The following DGLUCY variants were observed in gnomAD, a reference collection of about 807,000 sequenced individuals.
DGLUCY encodes the protein D-glutamate cyclase.
A neutral mutation model predicts 58.5 loss-of-function variants in DGLUCY; 58 were observed. The ratio of observed to expected loss-of-function variants is 0.99; its 90% CI spans 0.80 to 1.23. The LOEUF is 1.23. Among genes scored for constraint, DGLUCY ranks in the 50% most tolerant of loss-of-function variants. The probability of loss-of-function intolerance (pLI) is 0.00; values close to 1 mark genes in which losing one functional copy is unlikely to be tolerated. For missense variants in DGLUCY, 779 were observed against 784.7 expected (o/e 0.99, Z 0.09); for synonymous variants, 325 against 314.1 (o/e 1.03, Z -0.37).
intron 1 of DGLUCY, among the ~76,000 whole-genome samples, chr14:91,088,963 G>A (rs966518909): frequency 6.6e-6 from 1 of 152,152 alleles, no homozygotes; most frequent in African/African-American, 2.4e-5. Context: ...AATAGACTTC[G>A]GTCTGGTACA....
rs1888021369 is a variant in DGLUCY at position 91,225,107 on chromosome 14, G to C, written c.*274G>C. ...ACCCTCCTTCACTCTGGCTTCTTCA[G>C]GCAACCCACGTGGTCTCCTGTGAGA... On this transcript the variant is annotated 3_prime_UTR_variant, in exon 14 of 14. Transcript: ENST00000256324. 1 of 288,678 alleles carries C rather than the reference G, an allele frequency of 3.5e-6. No homozygotes were observed. Among genetic ancestry groups the C allele is most frequent in the Non-Finnish European group, 6.4e-6 (1 of 156,114 alleles). 17.9% of individuals were successfully genotyped at this position (288,678 alleles called of 1,614,324 possible). A position where few individuals can be genotyped will look rare whatever the true frequency, so the allele number is the denominator to read the frequency against.
intron 12 of DGLUCY, among the ~76,000 whole-genome samples, chr14:91,208,592 TAGA>T (rs1273712358): frequency 6.6e-6 from 1 of 151,942 alleles, no homozygotes; most frequent in Admixed American, 6.6e-5. Context: ...CTACAAAAAA[TAGA>T]AGAATTAGCT....
intron 1 of DGLUCY, among the ~76,000 whole-genome samples, chr14:91,095,447 T>C (rs2044378595): frequency 6.6e-6 from 1 of 152,218 alleles, no homozygotes; most frequent in African/African-American, 2.4e-5. Flanking sequence ...ACCGCATCTT[T>C]ACACGTGAAG....
At chr14:91,160,030 G>A (rs909973517) in intron 2 of DGLUCY, among the ~76,000 whole-genome samples, 7 of 152,170 alleles carry the variant, frequency 4.6e-5, no homozygotes, top group Non-Finnish European at 8.8e-5. Context: ...GAAGGGAAGG[G>A]GGACGTTCCA....
rs769954031 is a variant in DGLUCY at position 91,170,113 on chromosome 14, G to A, written c.368G>A (p.Gly123Asp). 6.2e-7 allele frequency: 1 copy of A among 1,613,180 alleles called. No homozygotes were observed. Among genetic ancestry groups the A allele is most frequent in the Non-Finnish European group, 8.5e-7 (1 of 1,180,038 alleles). ...AAGGACATGGTGGCCTTCTTCCTGGGCTGCAGCTTCTCCCTGGAGGAGGCC... is the reference window on the plus strand; with the variant it reads ...AAGGACATGGTGGCCTTCTTCCTGGACTGCAGCTTCTCCCTGGAGGAGGCC... ...QLKDMVAFFL[G>D]CSFSLEEALE... Residue 123 changes from glycine (G) to aspartate (D), a missense_variant, in exon 5 of 14, where the codon GGC becomes GAC. Gly to Asp is a moderately conservative substitution (Grantham distance 94, BLOSUM62 -1). Transcript: ENST00000256324.
chr14:91,217,355 C>T lies in DGLUCY; in HGVS notation c.1716+1799C>T, dbSNP rs116347198. ...AGCAAATCCAAGAGGCCGGAGGGTC[C>T]TGAGCACTGAGCCTGCAGAAGAGCC... On this transcript the variant is annotated intron_variant, in intron 13 of 13. Coordinates refer to ENST00000256324, the MANE Select transcript of DGLUCY (RefSeq NM_001102368.3). Among the ~76,000 whole-genome samples the T allele has an allele frequency of 6.1e-3, 919 of 151,524 alleles. 9 individuals carry two copies. Among genetic ancestry groups the T allele is most frequent in the African/African-American group, 0.021 (856 of 41,468 alleles).
intron 8 of DGLUCY, among the ~76,000 whole-genome samples, chr14:91,186,910 C>T (rs534424532): frequency 1.5e-4 from 23 of 152,206 alleles, no homozygotes; most frequent in South Asian, 4.1e-4. Flanking sequence ...CACACAGCTA[C>T]GATATGCCAG....
chr14:91,208,557 T>C (rs1455711017), intron 12 of DGLUCY, among the ~76,000 whole-genome samples: 1 of 152,116 alleles, frequency 6.6e-6, no homozygotes, highest in African/African-American at 2.4e-5. Context: ...GATACCAGCC[T>C]GGGCAACATG....
Position 91,199,660 on chromosome 14 carries a change from A to T in DGLUCY, c.1296-97A>T. On this transcript the variant is annotated intron_variant, in intron 10 of 13. Coordinates refer to ENST00000256324, the MANE Select transcript of DGLUCY (RefSeq NM_001102368.3). ...CAGGAATGAAGGAATCAAAGAAAAA[A>T]AGAAGCGTCTTTCGCGCAAACACAA... 4.3e-6 allele frequency: 6 copies of T among 1,395,180 alleles called. No homozygotes were observed. In the South Asian group the frequency reaches 8.0e-5, roughly 19 times the overall value. 86.4% of individuals were successfully genotyped at this position (1,395,180 alleles called of 1,614,324 possible).
rs145387024 is a variant in DGLUCY, at chr14:91,076,046, G to C, written c.-82+15342G>C. Among the ~76,000 whole-genome samples the C allele has an allele frequency of 2.2e-3, 329 of 152,022 alleles. 11 individuals carry two copies. In the East Asian group the frequency reaches 0.056, roughly 26 times the overall value. ...GAGAATTGCTTGAACCTGGGAGGTG[G>C]AGGCTGCAGTGAGCCAAGATTGTGC... On this transcript the variant is annotated intron_variant, in intron 1 of 4. Coordinates refer to the DGLUCY transcript ENST00000521334.
At chr14:91,222,101 C>A (rs956146728) in intron 13 of DGLUCY, among the ~76,000 whole-genome samples, 3 of 152,236 alleles carry the variant, frequency 2.0e-5, no homozygotes, top group Non-Finnish European at 4.4e-5. Context: ...TCAGCCTGGA[C>A]TGGTGCAGTG....
chr14:91,199,218 G>C (rs1208769530), intron 10 of DGLUCY, among the ~76,000 whole-genome samples: 2 of 151,416 alleles, frequency 1.3e-5, no homozygotes, highest in African/African-American at 4.9e-5. Flanking sequence ...TGCTTTTATA[G>C]CCTCTGACCC....
intron 10 of DGLUCY, among the ~76,000 whole-genome samples, chr14:91,198,024 A>G (rs537348649): frequency 3.9e-5 from 6 of 152,300 alleles, no homozygotes; most frequent in Middle Eastern, 6.8e-3. Context: ...AAGGATTGAG[A>G]GAGATGTAAA....
At chr14:91,102,591 T>A (rs137945740) in intron 1 of DGLUCY, among the ~76,000 whole-genome samples, 3 of 152,220 alleles carry the variant, frequency 2.0e-5, no homozygotes, top group Non-Finnish European at 4.4e-5. Flanking sequence ...GACTGTGGAA[T>A]GTCAGCAAAC....
chr14:91,075,068 G>A (rs1294211356), intron 1 of DGLUCY, among the ~76,000 whole-genome samples: 14 of 126,408 alleles, frequency 1.1e-4, no homozygotes, highest in South Asian at 1.0e-3. Context: ...GAGAAACTCC[G>A]TCTCAAAAAA....
intron 1 of DGLUCY, among the ~76,000 whole-genome samples, chr14:91,116,704 G>C (rs1223100506): frequency 6.6e-6 from 1 of 152,290 alleles, no homozygotes; most frequent in Non-Finnish European, 1.5e-5. Context: ...CCAGCACTTT[G>C]GGAGGCCAAG....
chr14:91,180,427 C>G (rs548986898), intron 7 of DGLUCY, among the ~76,000 whole-genome samples: 6 of 151,530 alleles, frequency 4.0e-5, no homozygotes, highest in African/African-American at 1.5e-4. Context: ...CTAAAATTAG[C>G]CAGGCGTGGT....
At chr14:91,165,054 A>C (rs1181066063) in intron 3 of DGLUCY, among the ~76,000 whole-genome samples, 1 of 152,122 alleles carries the variant, frequency 6.6e-6, no homozygotes, top group Non-Finnish European at 1.5e-5. Flanking sequence ...CTCAAATTAC[A>C]AGACACAGTC....
chr14:91,176,415 G>T (rs929429582), intron 7 of DGLUCY, among the ~76,000 whole-genome samples: 1 of 151,900 alleles, frequency 6.6e-6, no homozygotes, highest in Non-Finnish European at 1.5e-5. Flanking sequence ...TAGTAGAGAC[G>T]GGGTTTCACC....
Sources: gnomAD v4.1 joint callset for allele counts (sites outside exome capture counted in the v4.1 genomes callset) on GRCh38, gnomAD v4.1.1 for gene constraint, MANE v1.5 for transcripts, NCBI Gene and HGNC (gene_info 2026-07-23, HGNC 2026-07-21) for gene names.